GLDC: variants seen among roughly 807,000 people sequenced by gnomAD.
GLDC encodes glycine decarboxylase.
Under a neutral mutation model 121.3 loss-of-function variants are expected in GLDC, and 104 were observed. That is an observed-to-expected ratio of 0.86 (90% CI 0.73 to 1.01). The LOEUF (loss-of-function observed/expected upper bound fraction) is 1.01, where lower values mean the gene tolerates loss of function less well. GLDC is among the 50% of genes least tolerant of loss of function. GLDC has a pLI of 0.00. For missense variants in GLDC, 1,429 were observed against 1,306.6 expected, an observed-to-expected ratio of 1.09 and a Z score of -1.44; for synonymous variants, 546 against 480.6, an observed-to-expected ratio of 1.14 and a Z score of -1.78.
chr9:6,574,969 G>A (rs1273783524), intron 15 of GLDC, among the ~76,000 whole-genome samples: 1 of 151,984 alleles, frequency 6.6e-6, no homozygotes, highest in Non-Finnish European at 1.5e-5. Context: ...TTTCTCTTTG[G>A]TGTTCCTCCA....
intron 8 of GLDC, among the ~76,000 whole-genome samples, 192 bp from the exon 9 acceptor site, chr9:6,595,311 C>A (rs1226127590): frequency 6.6e-6 from 1 of 152,208 alleles, no homozygotes; most frequent in Non-Finnish European, 1.5e-5. Context: ...TCATCCAAGA[C>A]ACCCTGGAGT....
At chr9:6,600,900 T>G (rs1818595834) in intron 8 of GLDC, among the ~76,000 whole-genome samples, 1 of 152,068 alleles carries the variant, frequency 6.6e-6, no homozygotes. Flanking sequence ...CATGGCCAGG[T>G]GCAGTGGCTC....
chr9:6,611,496 C>A (rs1185907223), intron 3 of GLDC, among the ~76,000 whole-genome samples: 5 of 150,364 alleles, frequency 3.3e-5, no homozygotes, highest in Non-Finnish European at 7.4e-5. Context: ...GCGGAGGTTG[C>A]AGTGAGCTGA....
At chr9:6,643,676 A>G (rs1177875260) in intron 2 of GLDC, among the ~76,000 whole-genome samples, 2 of 152,062 alleles carry the variant, frequency 1.3e-5, no homozygotes, top group East Asian at 1.9e-4. Context: ...AAATTCTAAG[A>G]AAGTCTATGA....
chr9:6,597,912 C>T (rs923856252), intron 8 of GLDC, among the ~76,000 whole-genome samples: 4 of 151,314 alleles, frequency 2.6e-5, no homozygotes, highest in Non-Finnish European at 4.4e-5. Flanking sequence ...CCAGCCTGGG[C>T]GATGGAGCGA....
At chr9:6,537,783 T>TA (rs139388026) in intron 22 of GLDC, among the ~76,000 whole-genome samples, 136 of 148,244 alleles carry the variant, frequency 9.2e-4, no homozygotes, top group Non-Finnish European at 1.6e-3. Flanking sequence ...TTGTCTCTAT[T>TA]AAAAAAAAAA....
chr9:6,554,681 C>T lies in GLDC; in HGVS notation c.2303G>A (p.Gly768Glu). ...IPHGGGGPGM[G>E]PIGVKKHLAP... ...GCCCAGAACTTACACTCCGATGGGC[C>T]CCATGCCAGGACCACCTCCTCCGTG... Residue 768 changes from glycine (G) to glutamate (E), a missense_variant, in exon 19 of 25, where the codon GGG (glycine) becomes GAG (glutamate). Transcript: ENST00000321612. The T allele has an allele frequency of 3.1e-6, 5 of 1,610,474 alleles. No homozygotes were observed. Among genetic ancestry groups the T allele is most frequent in the Non-Finnish European group, 4.2e-6 (5 of 1,178,442 alleles).
intron 2 of GLDC, among the ~76,000 whole-genome samples, chr9:6,622,587 C>G (rs1440665704): frequency 3.3e-5 from 5 of 152,034 alleles, no homozygotes; most frequent in Admixed American, 6.6e-5. Flanking sequence ...GATCTCGGCT[C>G]GCTACAACCT....
intron 15 of GLDC, among the ~76,000 whole-genome samples, chr9:6,575,971 T>C (rs1398089290): frequency 1.3e-5 from 2 of 152,346 alleles, no homozygotes; most frequent in South Asian, 4.1e-4. Context: ...CCGGGGTTTA[T>C]GGGTAGAACA....
chr9:6,565,775 G>C (rs1199201599), intron 15 of GLDC: 1 of 519,720 alleles, frequency 1.9e-6, no homozygotes, highest in Non-Finnish European at 3.4e-6. Context: ...AAGGAACTAC[G>C]ACGTGTGTGT....
chr9:6,618,825 G>A (rs1819017704), intron 3 of GLDC, among the ~76,000 whole-genome samples: 1 of 151,736 alleles, frequency 6.6e-6, no homozygotes, highest in African/African-American at 2.4e-5. Context: ...AGACACAGAT[G>A]AACACACACA....
chr9:6,570,535 T>G lies in GLDC; in HGVS notation c.1851-5106A>C, dbSNP rs774683289. Among the ~76,000 whole-genome samples the G allele has an allele frequency of 2.0e-5, 3 of 152,314 alleles. No individual in the cohort carries two copies. In the South Asian group the frequency reaches 6.2e-4, roughly 32 times the overall value. On this transcript the variant is annotated intron_variant, in intron 15 of 24. Coordinates refer to ENST00000321612, the MANE Select transcript of GLDC (RefSeq NM_000170.3). ...AGTTATTTATAAGCAGTGGACCTAT[T>G]TTACTTCTTATATTTGAACTTCTTA...
chr9:6,582,601 G>A (rs568948794), intron 15 of GLDC, among the ~76,000 whole-genome samples: 17 of 151,970 alleles, frequency 1.1e-4, no homozygotes, highest in South Asian at 6.2e-4. Flanking sequence ...AGGCCGAGGC[G>A]GGTGGATCAC....
intron 23 of GLDC, 147 bp downstream of exon 23, chr9:6,535,917 G>A: frequency 1.3e-6 from 1 of 762,444 alleles, no homozygotes; most frequent in South Asian, 1.5e-5. Flanking sequence ...AAACTTCAAA[G>A]TAACAACTGC....
At chr9:6,572,448 G>A (rs759932583) in intron 15 of GLDC, among the ~76,000 whole-genome samples, 1 of 152,162 alleles carries the variant, frequency 6.6e-6, no homozygotes, top group African/African-American at 2.4e-5. Flanking sequence ...CCTTTCAGTG[G>A]CTTTATTATC....
chr9:6,624,817 G>A (rs2578271), intron 2 of GLDC, among the ~76,000 whole-genome samples: 48,684 of 151,712 alleles, frequency 0.32, 8,268 homozygotes, highest in East Asian at 0.51. Flanking sequence ...GTGAAACCCT[G>A]TCTCTACTAA....
rs2129649391 is a variant in GLDC, at chr9:6,536,083, G to T, written c.2819C>A (p.Pro940His). Residue 940 changes from proline to histidine, a missense_variant, in exon 23 of 25, where the codon CCC (proline) becomes CAC (histidine). Physicochemically the swap from Pro to His is moderately conservative, Grantham distance 77. Coordinates refer to ENST00000321612, the MANE Select transcript of GLDC (RefSeq NM_000170.3). ...ACGCACCTTCAGCGGATTGACCCTG[G>T]GGTCGATGCGGCCCTCCTCAATGTC... ...IADIEEGRIDPRVNPLKMSPH... is the reference protein window; with the variant it reads ...IADIEEGRIDHRVNPLKMSPH... 2 of 1,613,786 alleles carry T rather than the reference G, an allele frequency of 1.2e-6. No homozygotes were observed. Among genetic ancestry groups the T allele is most frequent in the Non-Finnish European group, 1.7e-6 (2 of 1,179,892 alleles).
intron 2 of GLDC, among the ~76,000 whole-genome samples, chr9:6,625,541 T>C (rs1819217410): frequency 6.6e-6 from 1 of 152,172 alleles, no homozygotes; most frequent in Non-Finnish European, 1.5e-5. Context: ...TCCTTCCTCA[T>C]ACCCAGCCCC....
intron 15 of GLDC, among the ~76,000 whole-genome samples, chr9:6,575,138 A>T (rs1214647433): frequency 6.6e-6 from 1 of 151,352 alleles, no homozygotes; most frequent in Non-Finnish European, 1.5e-5. Context: ...TTCGGGAGTC[A>T]GAGATTGCAG....
Sources: gnomAD v4.1 joint callset for allele counts (sites outside exome capture counted in the v4.1 genomes callset) on GRCh38, gnomAD v4.1.1 for gene constraint, MANE v1.5 for transcripts, NCBI Gene and HGNC (gene_info 2026-07-23, HGNC 2026-07-21) for gene names.